KLF4: variants seen among roughly 807,000 people sequenced by gnomAD.
KLF4 encodes KLF transcription factor 4, also known as Krueppel-like factor 4.
A neutral mutation model predicts 38.0 loss-of-function variants in KLF4; 14 were observed. The observed-to-expected ratio is 0.37, with a 90% CI of 0.24 to 0.58. The LOEUF (loss-of-function observed/expected upper bound fraction) is 0.58, where lower values mean the gene tolerates loss of function less well. Among genes scored for constraint, KLF4 ranks in the 20% least tolerant of loss-of-function variants. KLF4 has a pLI of 0.76. For synonymous variants in KLF4, 398 were observed against 302.5 expected (o/e 1.32, Z -3.28); for missense variants, 737 against 670.1 (o/e 1.10, Z -1.10).
Position 107,487,198 on chromosome 9 carries a change from G to A in KLF4, c.1100-6C>T. The A allele has an allele frequency of 1.9e-6, 3 of 1,613,756 alleles. No homozygotes were observed. Among genetic ancestry groups the A allele is most frequent in the Non-Finnish European group, 1.7e-6 (2 of 1,179,774 alleles). Reference sequence around the variant, plus strand: ...GGAACCGGGTGGCATGAGCTCTAGGGGTGAAGAAGGTGGGGTGAGCATCAT... The same window carrying A: ...GGAACCGGGTGGCATGAGCTCTAGGAGTGAAGAAGGTGGGGTGAGCATCAT... On this transcript the variant is annotated splice_region_variant and splice_polypyrimidine_tract_variant and intron_variant, in intron 3 of 4. Transcript: ENST00000374672. The surrounding 1 kb of genome is among the most constrained non-coding windows in gnomAD (Gnocchi z 6.1).
chr9:107,487,914 C>T lies in KLF4; in HGVS notation c.480G>A (p.Pro160=). 6.4e-7 allele frequency: 1 copy of T among 1,572,144 alleles called. No homozygotes were observed. Among genetic ancestry groups the T allele is most frequent in the Non-Finnish European group, 8.6e-7 (1 of 1,159,206 alleles). Residue 160 remains proline (P), a synonymous_variant, in exon 3 of 5, where the codon CCG becomes CCA. Coordinates refer to ENST00000374672, the MANE Select transcript of KLF4 (RefSeq NM_004235.6). The surrounding 1 kb of genome is among the most constrained non-coding windows in gnomAD (Gnocchi z 6.1). ...CGCCCGTGCCGCCCGGCGCCACGCC[C>T]GGGTCGTTCCCGGCCCGGATCGGAT... The part of the protein sequence containing the change: ...FTYPIRAGND[P]GVAPGGTGGG...
In KLF4 at chr9:107,485,778, G is replaced by A. The variant is rs553735617; in HGVS notation, c.1413C>T (p.Leu471=). 14 of 1,552,608 alleles carry A rather than the reference G, an allele frequency of 9.0e-6. No individual in the cohort carries two copies. The highest frequency in any genetic ancestry group is 5.7e-5 in the African/African-American group (4 of 69,686). The stretch of plus-strand genomic sequence containing the variant: ...AAAAATGCCTCTTCATGTGTAAGGC[G>A]AGGTGGTCCGACCTGGAAAATGCTC... ...CDRAFSRSDH[L]ALHMKRHF is the part of the protein sequence containing the mutation. Residue 471 remains leucine (L), a synonymous_variant, in exon 5 of 5, where the codon CTC becomes CTT. Transcript: ENST00000374672. This position sits in a 1 kb window ranked among gnomAD's most constrained non-coding sequence, Gnocchi z 4.9.
At position 107,487,091 on chromosome 9, in the gene KLF4, C is replaced by T. The variant is rs1587920769; in HGVS notation, c.1201G>A (p.Ala401Thr). Residue 401 changes from alanine to threonine, a missense_variant, in exon 4 of 5, where the codon GCG (alanine) becomes ACG (threonine). By Grantham distance (58) the Ala-to-Thr change is moderately conservative. Around this residue, in one of 2 missense-constraint regions of KLF4, gnomAD observed 42 missense variants for 115.5 expected, o/e 0.36. Coordinates refer to ENST00000374672, the MANE Select transcript of KLF4 (RefSeq NM_004235.6). The surrounding 1 kb of genome is among the most constrained non-coding windows in gnomAD (Gnocchi z 6.1). ...TTTGTGTAGGTTTTGCCGCAGCCCG[C>T]GTAATCACAAGTGTGGGTGGCGGTC... ...KRTATHTCDYAGCGKTYTKSS... is the reference protein window; with the variant it reads ...KRTATHTCDYTGCGKTYTKSS... The T allele has an allele frequency of 1.9e-6, 3 of 1,614,214 alleles. No individual in the cohort carries two copies. Among genetic ancestry groups the T allele is most frequent in the Non-Finnish European group, 1.7e-6 (2 of 1,180,048 alleles).
Position 107,488,925 on chromosome 9 carries a change from C to G in KLF4, c.126+5G>C. 2 of 1,552,828 alleles carry G rather than the reference C, an allele frequency of 1.3e-6. No individual in the cohort carries two copies. The highest frequency in any genetic ancestry group is 1.7e-6 in the Non-Finnish European group (2 of 1,147,826). On this transcript the variant is annotated splice_donor_5th_base_variant and intron_variant, in intron 2 of 4. Transcript: ENST00000374672. This position sits in a 1 kb window ranked among gnomAD's most constrained non-coding sequence, Gnocchi z 5.7. ...GCGTTCCCGGCGGCCCGGAGCGATACTCACGTTATTCGGGGCACCTGCTTG... is the reference window on the plus strand; with the variant it reads ...GCGTTCCCGGCGGCCCGGAGCGATAGTCACGTTATTCGGGGCACCTGCTTG...
At position 107,487,881 on chromosome 9, in the gene KLF4, G is replaced by T; in HGVS notation, c.513C>A (p.Leu171=). ...GGGGAGCGGACTCCCTGCCATAGAG[G>T]AGGCCTCCGCCCGTGCCGCCCGGCG... ...GVAPGGTGGG[L]LYGRESAPPP... is the part of the protein sequence containing the mutation. The change falls in exon 3 of 5, where the codon CTC becomes CTA. Residue 171 remains leucine, a synonymous_variant. Coordinates refer to ENST00000374672, the MANE Select transcript of KLF4 (RefSeq NM_004235.6). The surrounding 1 kb of genome is among the most constrained non-coding windows in gnomAD (Gnocchi z 6.1). 6.5e-7 allele frequency: 1 copy of T among 1,547,640 alleles called. No homozygotes were observed. The highest frequency in any genetic ancestry group is 8.7e-7 in the Non-Finnish European group (1 of 1,146,962).
In KLF4 at chr9:107,489,297, T is replaced by A. The variant is rs566907247; in HGVS notation, c.-125A>T. On this transcript the variant is annotated 5_prime_UTR_variant, in exon 1 of 5. Transcript: ENST00000374672. ...CCAAATTGGCCGAGATCCTTCTTCT[T>A]TGGATTAAATATAACTTGGAAGCGT... The A allele has an allele frequency of 7.2e-6, 9 of 1,249,474 alleles. No homozygotes were observed. The Admixed American group carries it at 2.2e-4, about 31-fold the overall frequency. The allele number at this position is 1,249,474 out of a possible 1,614,324, so 77.4% of individuals were successfully genotyped here.
At position 107,487,458 on chromosome 9, in the gene KLF4, G is replaced by A. The variant is rs1194736786; in HGVS notation, c.936C>T (p.Pro312=). 2.0e-6 allele frequency: 3 copies of A among 1,534,746 alleles called. No homozygotes were observed. Among genetic ancestry groups the A allele is most frequent in the Non-Finnish European group, 2.6e-6 (3 of 1,142,856 alleles). ...GACCCAGGGTCGGGGTAGTCCTGCT[G>A]GGGAGCTGCCGCCCCAGGGGGAAGT... The part of the protein sequence containing the change: ...AHDFPLGRQL[P]SRTTPTLGLE... The change falls in exon 3 of 5, where the codon CCC becomes CCT. Residue 312 remains proline (P), a synonymous_variant. Coordinates refer to ENST00000374672, the MANE Select transcript of KLF4 (RefSeq NM_004235.6). The surrounding 1 kb of genome is among the most constrained non-coding windows in gnomAD (Gnocchi z 6.1).
In KLF4 at chr9:107,489,475, G is replaced by C; in HGVS notation, c.-303C>G. 3 of 360,118 alleles carry C rather than the reference G, an allele frequency of 8.3e-6. No homozygotes were observed. The highest frequency in any genetic ancestry group is 1.5e-5 in the Non-Finnish European group (3 of 202,028). 22.3% of individuals were successfully genotyped at this position (360,118 alleles called of 1,614,324 possible). ...CCCACCACTGTCGCGGTCGCCTCGA[G>C]TGCTGCCGTGGGCGCAGGGGCTGTG... On this transcript the variant is annotated 5_prime_UTR_variant, in exon 1 of 5. Transcript: ENST00000374672.
At chr9:107,486,953 GCACTGAGGAGTGTC>G in intron 4 of KLF4, 61 bp downstream of exon 4, 1 of 1,611,016 alleles carries the variant, frequency 6.2e-7, no homozygotes, top group Admixed American at 1.7e-5. Flanking sequence ...AGTCAAGGAG[GCACTGAGGAGTGTC>G]CACTGGTAGC....
rs963609707 is a variant in KLF4, at chr9:107,484,854, C to T, written c.*897G>A. On this transcript the variant is annotated 3_prime_UTR_variant, in exon 5 of 5. Transcript: ENST00000374672. ...AAACAAAACAATAAAAAACATTATT[C>T]AGATAAAATATTATAGGTTTATTTA... The T allele has an allele frequency of 5.5e-6, 1 of 182,932 alleles. No homozygotes were observed. Among genetic ancestry groups the T allele is most frequent in the Non-Finnish European group, 1.2e-5 (1 of 85,760 alleles). The allele number at this position is 182,932 out of a possible 1,614,324, so 11.3% of individuals were successfully genotyped here.
rs774617352 is a variant in KLF4 at position 107,488,145 on chromosome 9, G to A, written c.249C>T (p.Cys83=). The A allele has an allele frequency of 2.5e-6, 4 of 1,612,318 alleles. No homozygotes were observed. Among genetic ancestry groups the A allele is most frequent in the South Asian group, 1.1e-5 (1 of 91,078 alleles). ...DLESGGAGAA[C]GGSNLAPLPR... ...GTAGGGGCGCCAGGTTGCTACCGCC[G>A]CAAGCCGCACCGGCTCCGCCGCTCT... Residue 83 remains cysteine, a synonymous_variant, in exon 3 of 5, where the codon TGC becomes TGT. Coordinates refer to ENST00000374672, the MANE Select transcript of KLF4 (RefSeq NM_004235.6). The surrounding 1 kb of genome is among the most constrained non-coding windows in gnomAD (Gnocchi z 5.7).
In KLF4 at chr9:107,487,478, G is replaced by A. The variant is rs1221024853; in HGVS notation, c.916C>T (p.Pro306Ser). Residue 306 changes from proline to serine, a missense_variant, in exon 3 of 5, where the codon CCC becomes TCC. By Grantham distance (74) the Pro-to-Ser change is moderately conservative. Around this residue, in one of 2 missense-constraint regions of KLF4, gnomAD observed 695 missense variants for 554.5 expected, o/e 1.25. Coordinates refer to ENST00000374672, the MANE Select transcript of KLF4 (RefSeq NM_004235.6). The surrounding 1 kb of genome is among the most constrained non-coding windows in gnomAD (Gnocchi z 6.1). ...CTGCTGGGGAGCTGCCGCCCCAGGG[G>A]GAAGTCGTGTGCAGCCGGCCGGTGG... is the stretch of plus-strand genomic sequence containing the variant. ...NGHRPAAHDFPLGRQLPSRTT... is the reference protein window; with the variant it reads ...NGHRPAAHDFSLGRQLPSRTT... 9 of 1,541,666 alleles carry A rather than the reference G, an allele frequency of 5.8e-6. No individual in the cohort carries two copies. Among genetic ancestry groups the A allele is most frequent in the Non-Finnish European group, 7.0e-6 (8 of 1,145,816 alleles).
At position 107,487,378 on chromosome 9, in the gene KLF4, C is replaced by A; in HGVS notation, c.1016G>T (p.Gly339Val). 3 of 1,537,326 alleles carry A rather than the reference C, an allele frequency of 2.0e-6. No individual in the cohort carries two copies. Among genetic ancestry groups the A allele is most frequent in the Non-Finnish European group, 2.6e-6 (3 of 1,143,194 alleles). Residue 339 changes from glycine to valine, a missense_variant, in exon 3 of 5, where the codon GGC becomes GTC. Physicochemically the swap from Gly to Val is moderately radical, Grantham distance 109. Coordinates refer to ENST00000374672, the MANE Select transcript of KLF4 (RefSeq NM_004235.6). The surrounding 1 kb of genome is among the most constrained non-coding windows in gnomAD (Gnocchi z 6.1). Reference protein sequence around the residue: ...DCHPALPLPPGFHPHPGPNYP... With the variant: ...DCHPALPLPPVFHPHPGPNYP... ...ATTGGGCCCCGGGTGGGGATGGAAG[C>A]CGGGAGGAAGCGGCAGGGCAGGGTG...
rs770023852 is a variant in KLF4, at chr9:107,485,712, T to C, written c.*39A>G. On this transcript the variant is annotated 3_prime_UTR_variant, in exon 5 of 5. Coordinates refer to ENST00000374672, the MANE Select transcript of KLF4 (RefSeq NM_004235.6). This position sits in a 1 kb window ranked among gnomAD's most constrained non-coding sequence, Gnocchi z 4.9. ...GTGTGAAAAGTAAAAAATACTGAAT[T>C]CTCTTCTGGCAGTGTGGGTCATATC... The C allele has an allele frequency of 4.7e-6, 7 of 1,505,218 alleles. No individual in the cohort carries two copies. The highest frequency in any genetic ancestry group is 6.2e-6 in the Non-Finnish European group (7 of 1,129,574). 93.2% of individuals were successfully genotyped at this position (1,505,218 alleles called of 1,614,324 possible).
rs1401164901 is a variant in KLF4, at chr9:107,485,368, G to T, written c.*383C>A. ...TTAGAAGGTAAAGAGAATACAAGGT[G>T]ATCTTTTATGCTTATATTGCATCAA... On this transcript the variant is annotated 3_prime_UTR_variant, in exon 5 of 5. Transcript: ENST00000374672. The surrounding 1 kb of genome is among the most constrained non-coding windows in gnomAD (Gnocchi z 4.9). 4.1e-6 allele frequency: 1 copy of T among 241,316 alleles called. No individual in the cohort carries two copies. The highest frequency in any genetic ancestry group is 8.0e-6 in the Non-Finnish European group (1 of 124,298). The allele number at this position is 241,316 out of a possible 1,614,324, so 14.9% of individuals were successfully genotyped here.
At position 107,488,855 on chromosome 9, in the gene KLF4, C is replaced by A. The variant is rs1829138372; in HGVS notation, c.126+75G>T. 4.6e-6 allele frequency: 7 copies of A among 1,512,066 alleles called. No individual in the cohort carries two copies. The South Asian group carries it at 8.9e-5, about 19-fold the overall frequency. 93.7% of individuals were successfully genotyped at this position (1,512,066 alleles called of 1,614,324 possible). On this transcript the variant is annotated intron_variant, in intron 2 of 4. Transcript: ENST00000374672. This position sits in a 1 kb window ranked among gnomAD's most constrained non-coding sequence, Gnocchi z 5.7. ...CCCTCGTTCAGTGGCTCTTGGTGAC[C>A]CCAAGGCTCCGCCCGCCCCCACCAC... is the stretch of plus-strand genomic sequence containing the variant.
Position 107,489,187 on chromosome 9 carries a change from A to G in KLF4, c.-15T>C. ...ACCTACCTCATTAATGTGGGGGCCCAGAAGGTCCTCGGCAGCCCGAAGCAG... is the reference window on the plus strand; with the variant it reads ...ACCTACCTCATTAATGTGGGGGCCCGGAAGGTCCTCGGCAGCCCGAAGCAG... On this transcript the variant is annotated 5_prime_UTR_variant, in exon 1 of 5. Coordinates refer to ENST00000374672, the MANE Select transcript of KLF4 (RefSeq NM_004235.6). 1.3e-6 allele frequency: 2 copies of G among 1,503,490 alleles called. No homozygotes were observed. The highest frequency in any genetic ancestry group is 1.3e-5 in the South Asian group (1 of 76,386). 93.1% of individuals were successfully genotyped at this position (1,503,490 alleles called of 1,614,324 possible).
intron 4 of KLF4, among the ~76,000 whole-genome samples, chr9:107,486,741 G>A (rs1404656000): frequency 6.6e-6 from 1 of 151,962 alleles, no homozygotes; most frequent in Non-Finnish European, 1.5e-5. Context: ...GGAATCTCCT[G>A]CCTTTTAAAA....
At chr9:107,486,363 C>A (rs575321462) in intron 4 of KLF4, among the ~76,000 whole-genome samples, 1 of 152,046 alleles carries the variant, frequency 6.6e-6, no homozygotes, top group African/African-American at 2.4e-5. Flanking sequence ...TTTACCTTTA[C>A]GTTACTGAAT....
Sources: gnomAD v4.1 joint callset for allele counts (sites outside exome capture counted in the v4.1 genomes callset) on GRCh38, gnomAD v4.1.1 for gene constraint, gnomAD v4.1.1 regional missense constraint, Gnocchi (gnomAD v3.1) non-coding constraint, MANE v1.5 for transcripts, NCBI Gene and HGNC (gene_info 2026-07-23, HGNC 2026-07-21) for gene names.